Variants in CACNA2D3 observed in about 807,000 individuals in gnomAD.
CACNA2D3 encodes calcium voltage-gated channel auxiliary subunit alpha2delta 3, also known as voltage-dependent calcium channel subunit alpha-2/delta-3.
Under a neutral mutation model 160.6 loss-of-function variants are expected in CACNA2D3, and 60 were observed. The ratio of observed to expected loss-of-function variants is 0.37; its 90% CI spans 0.30 to 0.46. The LOEUF is 0.46. Among genes scored for constraint, CACNA2D3 ranks in the 20% least tolerant of loss-of-function variants. CACNA2D3 has a pLI of 1.00. For missense variants in CACNA2D3, 1,205 were observed against 1,365.0 expected (o/e 0.88, Z 1.85); for synonymous variants, 558 against 492.9 (o/e 1.13, Z -1.75).
At chr3:54,935,734 T>C (rs1398221015) in intron 27 of CACNA2D3, among the ~76,000 whole-genome samples, 1 of 152,254 alleles carries the variant, frequency 6.6e-6, no homozygotes, top group Non-Finnish European at 1.5e-5. Context: ...TTACAATGTA[T>C]GTTTCATATT....
intron 3 of CACNA2D3, among the ~76,000 whole-genome samples, chr3:54,370,727 T>A (rs1211360334): frequency 6.6e-6 from 1 of 152,096 alleles, no homozygotes; most frequent in East Asian, 1.9e-4. Flanking sequence ...TAGCATATAA[T>A]TTTTCCATTT....
chr3:54,649,395 C>T (rs1170006732), intron 11 of CACNA2D3, among the ~76,000 whole-genome samples: 4 of 152,184 alleles, frequency 2.6e-5, no homozygotes, highest in Non-Finnish European at 5.9e-5. Flanking sequence ...GAACAAACAC[C>T]CTGGAGAGAA....
In CACNA2D3 at chr3:54,734,201, C is replaced by G. The variant is rs73072284; in HGVS notation, c.1168-18398C>G. ...TTGTGTTGAGTAAAGTCTGACTTTGCCATAGGCTGATACCTAAACTGTTGC... is the reference window on the plus strand; with the variant it reads ...TTGTGTTGAGTAAAGTCTGACTTTGGCATAGGCTGATACCTAAACTGTTGC... On this transcript the variant is annotated intron_variant, in intron 11 of 37. Coordinates refer to ENST00000474759, the MANE Select transcript of CACNA2D3 (RefSeq NM_018398.3). 6.5e-3 allele frequency among the ~76,000 whole-genome samples: 985 copies of G among 152,244 alleles called. 4 individuals are homozygous for G. The highest frequency in any genetic ancestry group is 0.011 in the Non-Finnish European group (755 of 68,004).
chr3:54,666,950 GT>G (rs1252601175), intron 11 of CACNA2D3, among the ~76,000 whole-genome samples: 1 of 152,208 alleles, frequency 6.6e-6, no homozygotes, highest in African/African-American at 2.4e-5. Flanking sequence ...CTGAATTCTA[GT>G]GGAACATTTG....
chr3:54,719,987 CCTT>C (rs1701140276), intron 11 of CACNA2D3, among the ~76,000 whole-genome samples: 1 of 151,690 alleles, frequency 6.6e-6, no homozygotes, highest in South Asian at 2.1e-4. Flanking sequence ...TCTGTAGGGC[CCTT>C]CTTTTTTCCA....
At chr3:54,924,333 C>G (rs1230376081) in intron 27 of CACNA2D3, among the ~76,000 whole-genome samples, 1 of 152,154 alleles carries the variant, frequency 6.6e-6, no homozygotes, top group Non-Finnish European at 1.5e-5. Flanking sequence ...TGAATGTCCT[C>G]CTTCTTAATA....
At chr3:54,736,048 CATACATATGTATGTAT>C (rs1701503768) in intron 11 of CACNA2D3, among the ~76,000 whole-genome samples, 1 of 35,052 alleles carries the variant, frequency 2.9e-5, no homozygotes, top group African/African-American at 1.2e-4. Flanking sequence ...TATATATACA[CATACATATGTATGTAT>C]ATATATATAC....
chr3:54,919,374 A>T (rs1484998462), intron 27 of CACNA2D3, among the ~76,000 whole-genome samples: 1 of 152,236 alleles, frequency 6.6e-6, no homozygotes, highest in Non-Finnish European at 1.5e-5. Flanking sequence ...TGTGTGTCTC[A>T]ACACTGTTCA....
chr3:54,131,536 A>G (rs1048387842), intron 2 of CACNA2D3, among the ~76,000 whole-genome samples: 3 of 152,174 alleles, frequency 2.0e-5, no homozygotes, highest in Non-Finnish European at 4.4e-5. Context: ...GCAGCATTTC[A>G]GTTGTTTAGG....
intron 27 of CACNA2D3, among the ~76,000 whole-genome samples, chr3:54,930,046 A>G (rs1701146083): frequency 6.6e-6 from 1 of 152,208 alleles, no homozygotes; most frequent in Non-Finnish European, 1.5e-5. Context: ...CTCCATTGCA[A>G]TTATTGGACT....
At chr3:55,064,513 C>G (rs975371643) in intron 35 of CACNA2D3, among the ~76,000 whole-genome samples, 4 of 152,148 alleles carry the variant, frequency 2.6e-5, no homozygotes, top group African/African-American at 9.6e-5. Flanking sequence ...TGAGGCAAGC[C>G]TCAACCACCC....
At chr3:54,999,806 A>G (rs1447818890) in intron 31 of CACNA2D3, among the ~76,000 whole-genome samples, 2 of 152,210 alleles carry the variant, frequency 1.3e-5, no homozygotes, top group Non-Finnish European at 2.9e-5. Context: ...ATTTTTGTCT[A>G]GTTGGAAAAG....
At chr3:54,965,532 C>G (rs896317065) in intron 27 of CACNA2D3, among the ~76,000 whole-genome samples, 29 of 152,290 alleles carry the variant, frequency 1.9e-4, no homozygotes, top group African/African-American at 6.3e-4. Context: ...TCTAGTGTAG[C>G]TTTTACAATG....
At chr3:54,962,421 C>T (rs4955912) in intron 27 of CACNA2D3, among the ~76,000 whole-genome samples, 59,971 of 151,992 alleles carry the variant, frequency 0.39, 13,508 homozygotes, top group East Asian at 0.54. Flanking sequence ...GCATGAAAGG[C>T]ATATTAGCCA....
intron 11 of CACNA2D3, among the ~76,000 whole-genome samples, chr3:54,670,349 G>A (rs1700137486): frequency 6.6e-6 from 1 of 152,200 alleles, no homozygotes; most frequent in African/African-American, 2.4e-5. Context: ...AGGCCTTCCA[G>A]AACATTTATG....
chr3:54,570,447 C>G (rs145957938), intron 8 of CACNA2D3, among the ~76,000 whole-genome samples: 153 of 152,132 alleles, frequency 1.0e-3, no homozygotes, highest in African/African-American at 2.8e-3. Flanking sequence ...ACTAGAATTT[C>G]TCACATGGAA....
At chr3:55,025,634 C>CAAAA (rs10717273) in intron 35 of CACNA2D3, among the ~76,000 whole-genome samples, 19 of 63,274 alleles carry the variant, frequency 3.0e-4, no homozygotes, top group East Asian at 1.5e-3. Context: ...ACTCTATCTC[C>CAAAA]AAAAAAAAAA....
intron 3 of CACNA2D3, among the ~76,000 whole-genome samples, chr3:54,351,028 G>A (rs13092206): frequency 8.4e-6 from 1 of 119,212 alleles, no homozygotes; most frequent in African/African-American, 3.2e-5. Flanking sequence ...TCACTGTGTC[G>A]CCCAGGCTGG....
In CACNA2D3 at chr3:54,385,510, T is replaced by C. The variant is rs527836653; in HGVS notation, c.322-1205T>C. Among the ~76,000 whole-genome samples the C allele has an allele frequency of 2.6e-5, 4 of 152,252 alleles. No individual in the cohort carries two copies. In the East Asian group the frequency reaches 7.7e-4, roughly 29 times the overall value. ...TGACCTTCTGATCAACTGAAGATAG[T>C]CTGGGAAATCACATTTCCACCCTTC... On this transcript the variant is annotated intron_variant, in intron 3 of 37. Coordinates refer to ENST00000474759, the MANE Select transcript of CACNA2D3 (RefSeq NM_018398.3).
Sources: allele counts gnomAD v4.1 joint callset (sites outside exome capture counted in the v4.1 genomes callset), GRCh38; gene constraint gnomAD v4.1.1; transcripts MANE v1.5; gene names NCBI Gene and HGNC (gene_info 2026-07-23, HGNC 2026-07-21).